DBF4B: variants seen among roughly 807,000 people sequenced by gnomAD.
The protein encoded by DBF4B is DBF4B-CDC7 kinase regulatory subunit, also known as protein DBF4 homolog B.
In DBF4B, 49 loss-of-function variants were observed where a neutral mutation model predicts 53.4. The ratio of observed to expected loss-of-function variants is 0.92; its 90% confidence interval spans 0.73 to 1.16. The LOEUF is 1.16. DBF4B is among the 50% of genes most tolerant of loss of function. The pLI, the probability that DBF4B is intolerant of heterozygous loss-of-function variation, is 0.00. For synonymous variants in DBF4B, 257 were observed against 288.7 expected (o/e 0.89, Z 1.11); for missense variants, 692 against 775.0 (o/e 0.89, Z 1.27).
intron 8 of DBF4B, among the ~76,000 whole-genome samples, chr17:44,737,371 G>A (rs1975554788): frequency 6.6e-6 from 1 of 152,152 alleles, no homozygotes. Context: ...TGCACAAGCA[G>A]GAGCTAAGAA....
In DBF4B at chr17:44,708,739, G is replaced by C. The variant is rs1292592218; in HGVS notation, c.-82G>C. 6.7e-7 allele frequency: 1 copy of C among 1,497,414 alleles called. No individual in the cohort carries two copies. 92.8% of individuals were successfully genotyped at this position (1,497,414 alleles called of 1,614,324 possible). ...CTGAGATAACCAGGACTGTGGAATC[G>C]GGAAGAGCTCATGGAGCTCGCGAAT... On this transcript the variant is annotated 5_prime_UTR_variant, in exon 1 of 14. Transcript: ENST00000315005.
chr17:44,714,055 G>T (rs1973129421), intron 2 of DBF4B, among the ~76,000 whole-genome samples: 1 of 152,170 alleles, frequency 6.6e-6, no homozygotes, highest in African/African-American at 2.4e-5. Flanking sequence ...ATTACTGTAA[G>T]TGAAGTAACT....
chr17:44,749,282 A>G lies in DBF4B; in HGVS notation c.1189+817A>G. The stretch of plus-strand genomic sequence containing the variant: ...TGGTCCCAACCCCAGCCCCAGCCCC[A>G]GCCCCATGCTGGCAGAGAGCTGCTC... On this transcript the variant is annotated intron_variant, in intron 13 of 13. Coordinates refer to ENST00000315005, the MANE Select transcript of DBF4B (RefSeq NM_145663.3). The surrounding 1 kb of genome is among the most constrained non-coding windows in gnomAD (Gnocchi z 4.4). The G allele has an allele frequency of 6.2e-6, 8 of 1,289,468 alleles. No individual in the cohort carries two copies. The highest frequency in any genetic ancestry group is 8.1e-6 in the Non-Finnish European group (8 of 988,626). 79.9% of individuals were successfully genotyped at this position (1,289,468 alleles called of 1,614,324 possible). A position where few individuals can be genotyped will look rare whatever the true frequency, so the allele number is the denominator to read the frequency against.
intron 8 of DBF4B, among the ~76,000 whole-genome samples, chr17:44,737,802 G>A (rs566005069): frequency 1.3e-5 from 2 of 152,244 alleles, no homozygotes; most frequent in Non-Finnish European, 2.9e-5. Flanking sequence ...GATTTTACCT[G>A]TGATATTTTT....
chr17:44,712,764 G>A (rs1972994647), intron 2 of DBF4B, among the ~76,000 whole-genome samples: 1 of 150,630 alleles, frequency 6.6e-6, no homozygotes, highest in Non-Finnish European at 1.5e-5. Flanking sequence ...TTATAGAGAT[G>A]GGGTCTCACT....
chr17:44,710,260 C>T (rs949207096), intron 2 of DBF4B, among the ~76,000 whole-genome samples: 26 of 152,146 alleles, frequency 1.7e-4, no homozygotes, highest in African/African-American at 5.8e-4. Flanking sequence ...AAACAGTAAT[C>T]CACTTCATTT....
intron 3 of DBF4B, among the ~76,000 whole-genome samples, chr17:44,727,864 ATTTTTT>A (rs756222247): frequency 1.6e-4 from 17 of 106,730 alleles, no homozygotes; most frequent in South Asian, 9.9e-4. Context: ...TGCCCGGGTA[ATTTTTT>A]TTTTTTTTTT....
intron 2 of DBF4B, among the ~76,000 whole-genome samples, chr17:44,716,605 C>T (rs1034281674): frequency 6.6e-6 from 1 of 152,102 alleles, no homozygotes; most frequent in Non-Finnish European, 1.5e-5. Flanking sequence ...GGCCTCCACC[C>T]GCTAGATGCC....
chr17:44,716,814 C>T (rs1309816704), intron 2 of DBF4B, among the ~76,000 whole-genome samples: 1 of 152,104 alleles, frequency 6.6e-6, no homozygotes. Context: ...TTCTAGCATT[C>T]TACTCTGTAT....
chr17:44,748,343 G>C lies in DBF4B; in HGVS notation c.1067G>C (p.Trp356Ser). The C allele has an allele frequency of 1.3e-6, 2 of 1,594,544 alleles. No individual in the cohort carries two copies. The highest frequency in any genetic ancestry group is 1.7e-6 in the Non-Finnish European group (2 of 1,170,178). ...TCACAGTGTTTCTGTCCCAACAGGT[G>C]GTCAGGTTCCCCAGCTTCTGATTGT... Reference protein sequence around the residue: ...DIPFQAGLPRWSGSPASDCDP... With the variant: ...DIPFQAGLPRSSGSPASDCDP... Residue 356 changes from tryptophan (W) to serine (S), a missense_variant and splice_region_variant, in exon 13 of 14, where the codon TGG (tryptophan) becomes TCG (serine). Physicochemically the swap from Trp to Ser is radical, Grantham distance 177. This residue lies in a region of DBF4B where 597 missense variants were observed against 665.8 expected (regional missense o/e 0.90). Coordinates refer to ENST00000315005, the MANE Select transcript of DBF4B (RefSeq NM_145663.3).
intron 2 of DBF4B, among the ~76,000 whole-genome samples, chr17:44,722,082 C>T (rs751407855): frequency 3.3e-5 from 5 of 151,552 alleles, no homozygotes; most frequent in Admixed American, 6.6e-5. Context: ...TGCGATAAGC[C>T]GAGATCGCGC....
intron 3 of DBF4B, among the ~76,000 whole-genome samples, 178 bp from the exon 4 acceptor site, chr17:44,729,727 C>CACACACACACA (rs3223649): frequency 4.1e-5 from 6 of 145,200 alleles, no homozygotes; most frequent in African/African-American, 7.7e-5. Flanking sequence ...CACACACACA[C>CACACACACACA]CCCATTAGAT....
At chr17:44,732,442 A>C in intron 6 of DBF4B, 177 bp downstream of exon 6, 1 of 693,774 alleles carries the variant, frequency 1.4e-6, no homozygotes, top group African/African-American at 1.8e-5. Context: ...AGCGGTGAGG[A>C]CGCAGAGTGC....
At chr17:44,720,415 T>A in intron 2 of DBF4B, 1 of 230,794 alleles carries the variant, frequency 4.3e-6, no homozygotes. Flanking sequence ...CTGGAATACA[T>A]AGCAGATCGG....
chr17:44,740,884 C>A (rs545954890), intron 9 of DBF4B, among the ~76,000 whole-genome samples: 1 of 152,194 alleles, frequency 6.6e-6, no homozygotes, highest in South Asian at 2.1e-4. Context: ...GCCTGTAATC[C>A]CAGCACTTTG....
rs1388249385 is a variant in DBF4B at position 44,729,921 on chromosome 17, T to C, written c.242T>C (p.Leu81Pro). 51 of 1,613,850 alleles carry C rather than the reference T, an allele frequency of 3.2e-5. No individual in the cohort carries two copies. Among genetic ancestry groups the C allele is most frequent in the Non-Finnish European group, 4.2e-5 (50 of 1,179,930 alleles). Residue 81 changes from leucine to proline, a missense_variant, in exon 4 of 14, where the codon CTG (leucine) becomes CCG (proline). Around this residue, in one of 3 missense-constraint regions of DBF4B, gnomAD observed 29 missense variants for 57.8 expected, o/e 0.50. Transcript: ENST00000315005. ...TGGTTTCAGGTAATTGAGGGTTTTC[T>C]GAGCAAAGAAGTAAGTTACATCGTG... ...QQLGGVIEGF[L>P]SKEVSYIVSS... is the part of the protein sequence containing the mutation.
chr17:44,736,484 G>A (rs866083848), intron 7 of DBF4B, among the ~76,000 whole-genome samples: 1 of 152,180 alleles, frequency 6.6e-6, no homozygotes, highest in Non-Finnish European at 1.5e-5. Context: ...TGCCACATGC[G>A]ATGAGGTCGG....
intron 2 of DBF4B, among the ~76,000 whole-genome samples, chr17:44,715,528 C>A (rs1255576278): frequency 6.6e-6 from 1 of 151,948 alleles, no homozygotes; most frequent in Non-Finnish European, 1.5e-5. Flanking sequence ...CATTTTGCAT[C>A]TGTCTTTCAT....
At chr17:44,727,864 A>ATTTTCTTTTTTTTTTTT (rs1568175162) in intron 3 of DBF4B, among the ~76,000 whole-genome samples, 1 of 106,742 alleles carries the variant, frequency 9.4e-6, no homozygotes, top group Non-Finnish European at 1.9e-5. Flanking sequence ...TGCCCGGGTA[A>ATTTTCTTTTTTTTTTTT]TTTTTTTTTT....
Sources: allele counts gnomAD v4.1 joint callset (sites outside exome capture counted in the v4.1 genomes callset), GRCh38; gene constraint gnomAD v4.1.1; regional missense constraint gnomAD v4.1.1; non-coding constraint Gnocchi (gnomAD v3.1); transcripts MANE v1.5; gene names NCBI Gene and HGNC (gene_info 2026-07-23, HGNC 2026-07-21).